Variants in CISD2 observed in about 807,000 individuals in gnomAD.
The protein encoded by CISD2 is CDGSH iron sulfur domain 2.
In CISD2, 1 loss-of-function variant was observed where a neutral mutation model predicts 12.9. The ratio of observed to expected loss-of-function variants is 0.08; its 90% CI spans 0.03 to 0.37. The LOEUF is 0.37. CISD2 is among the 10% of genes least tolerant of loss of function. The pLI is 0.99. For synonymous variants in CISD2, 50 were observed against 60.6 expected (o/e 0.83, Z 0.81); for missense variants, 97 against 163.1 (o/e 0.59, Z 2.21).
chr4:102,875,074 C>T (rs1733562143), intron 1 of CISD2, among the ~76,000 whole-genome samples: 2 of 152,210 alleles, frequency 1.3e-5, no homozygotes, highest in South Asian at 2.1e-4. Context: ...TCATACGGCA[C>T]CTGCTCAGTT....
chr4:102,877,943 G>A (rs1007782622), intron 1 of CISD2, among the ~76,000 whole-genome samples: 1 of 152,172 alleles, frequency 6.6e-6, no homozygotes, highest in Non-Finnish European at 1.5e-5. Flanking sequence ...CCTGGGCCTG[G>A]CCCACAAAAC....
chr4:102,880,980 G>T lies in CISD2; in HGVS notation c.104-4236G>T, dbSNP rs145472538. On this transcript the variant is annotated intron_variant, in intron 1 of 2. Transcript: ENST00000273986. ...CACTCCAGCCTGGGAAACAGAGCGA[G>T]ACGCTGTCTCAAAAAAAAAAAAAAA... is the stretch of plus-strand genomic sequence containing the variant. Among the ~76,000 whole-genome samples the T allele has an allele frequency of 9.0e-3, 1,321 of 147,448 alleles. 13 individuals carry two copies. Among genetic ancestry groups the T allele is most frequent in the African/African-American group, 0.03 (1,206 of 39,898 alleles).
intron 1 of CISD2, among the ~76,000 whole-genome samples, chr4:102,880,033 C>G (rs1733678468): frequency 6.6e-6 from 1 of 152,014 alleles, no homozygotes; most frequent in Non-Finnish European, 1.5e-5. Context: ...ACCTCCACTT[C>G]CGGGATTTAA....
chr4:102,873,899 G>A (rs1320155865), intron 1 of CISD2, among the ~76,000 whole-genome samples: 1 of 152,046 alleles, frequency 6.6e-6, no homozygotes, highest in Non-Finnish European at 1.5e-5. Context: ...GCTGAGGCAG[G>A]CAGATCACTT....
intron 1 of CISD2, among the ~76,000 whole-genome samples, chr4:102,878,582 C>G (rs1000293161): frequency 6.6e-6 from 1 of 152,224 alleles, no homozygotes; most frequent in East Asian, 1.9e-4. Flanking sequence ...AGTCTGTTTG[C>G]TAAAGCATAG....
chr4:102,869,604 C>T (rs1018051601), intron 1 of CISD2: 13 of 687,022 alleles, frequency 1.9e-5, no homozygotes, highest in East Asian at 1.3e-4. Context: ...GGGTTGTACC[C>T]TCAGCATGTG....
intron 1 of CISD2, chr4:102,869,455 G>C: frequency 1.4e-6 from 1 of 703,344 alleles, no homozygotes; most frequent in East Asian, 2.7e-5. Context: ...TTGCAGAGAA[G>C]GTGCTGAGTT....
chr4:102,884,952 G>A (rs571475751), intron 1 of CISD2: 3 of 418,780 alleles, frequency 7.2e-6, no homozygotes, highest in East Asian at 5.2e-5. Flanking sequence ...TAGACTTGAT[G>A]TAGACAATGA....
intron 2 of CISD2, among the ~76,000 whole-genome samples, chr4:102,886,191 A>G (rs1329631927): frequency 2.0e-5 from 3 of 152,190 alleles, no homozygotes; most frequent in Non-Finnish European, 4.4e-5. Flanking sequence ...TTTTGTTTAA[A>G]AAACGAATAC....
chr4:102,886,500 A>G (rs1733924300), intron 2 of CISD2, among the ~76,000 whole-genome samples: 1 of 152,088 alleles, frequency 6.6e-6, no homozygotes, highest in African/African-American at 2.4e-5. Context: ...CAAAAAAAAG[A>G]AAAAAAAGAA....
intron 1 of CISD2, among the ~76,000 whole-genome samples, chr4:102,876,002 G>A (rs747331589): frequency 1.3e-5 from 2 of 152,152 alleles, no homozygotes; most frequent in African/African-American, 2.4e-5. Context: ...CCACCCTACT[G>A]CTTTGCCCCA....
intron 1 of CISD2, among the ~76,000 whole-genome samples, chr4:102,883,152 T>G (rs1733765208): frequency 6.6e-6 from 1 of 152,246 alleles, no homozygotes; most frequent in Non-Finnish European, 1.5e-5. Flanking sequence ...ACTAAATAAC[T>G]TGCCTGTGAG....
At chr4:102,887,057 A>G (rs933859376) in intron 2 of CISD2, among the ~76,000 whole-genome samples, 4 of 152,244 alleles carry the variant, frequency 2.6e-5, no homozygotes, top group African/African-American at 9.6e-5. Context: ...CAAATGACCA[A>G]GAACTTATTC....
chr4:102,883,416 A>C (rs569109172), intron 1 of CISD2, among the ~76,000 whole-genome samples: 1 of 152,296 alleles, frequency 6.6e-6, no homozygotes, highest in East Asian at 1.9e-4. Flanking sequence ...GCCTGTGCCC[A>C]TGCTTTTTCC....
At chr4:102,870,905 TA>T (rs1241562055) in intron 1 of CISD2, among the ~76,000 whole-genome samples, 1 of 152,240 alleles carries the variant, frequency 6.6e-6, no homozygotes, top group Non-Finnish European at 1.5e-5. Context: ...ATTCATTATG[TA>T]ATAGTTCATT....
Position 102,885,290 on chromosome 4 carries a change from C to A in CISD2, c.178C>A (p.Leu60Ile). Reference sequence around the variant, plus strand: ...TGGCTACCTTGCAGTTCGTCCATTCCTCCCGAAGAAGAAACAACAGAAGGA... The same window carrying A: ...TGGCTACCTTGCAGTTCGTCCATTCATCCCGAAGAAGAAACAACAGAAGGA... ...LLGYLAVRPF[L>I]PKKKQQKDSL... The change falls in exon 2 of 3, where the codon CTC becomes ATC. Residue 60 changes from leucine (L) to isoleucine (I), a missense_variant. Physicochemically the swap from Leu to Ile is conservative, Grantham distance 5 (BLOSUM62 2). This residue lies in a region of CISD2 where 89 missense variants were observed against 114.4 expected (regional missense o/e 0.78). Coordinates refer to ENST00000273986, the MANE Select transcript of CISD2 (RefSeq NM_001008388.5). The A allele has an allele frequency of 6.2e-7, 1 of 1,614,080 alleles. No individual in the cohort carries two copies. Among genetic ancestry groups the A allele is most frequent in the East Asian group, 2.2e-5 (1 of 44,874 alleles).
chr4:102,886,002 C>T (rs1363413466), intron 2 of CISD2, among the ~76,000 whole-genome samples: 1 of 152,108 alleles, frequency 6.6e-6, no homozygotes. Flanking sequence ...GTTTCTTGTA[C>T]TTGATCATAG....
intron 2 of CISD2, among the ~76,000 whole-genome samples, chr4:102,886,195 C>T (rs1020597199): frequency 1.3e-5 from 2 of 151,956 alleles, no homozygotes; most frequent in Non-Finnish European, 2.9e-5. Flanking sequence ...GTTTAAAAAA[C>T]GAATACACGC....
intron 1 of CISD2, among the ~76,000 whole-genome samples, chr4:102,876,412 T>A (rs1226575754): frequency 6.6e-6 from 1 of 152,208 alleles, no homozygotes; most frequent in African/African-American, 2.4e-5. Context: ...ACAGTATCTC[T>A]ACATAGTAGG....
Sources: allele counts gnomAD v4.1 joint callset (sites outside exome capture counted in the v4.1 genomes callset), GRCh38; gene constraint gnomAD v4.1.1; regional missense constraint gnomAD v4.1.1; transcripts MANE v1.5; gene names NCBI Gene and HGNC (gene_info 2026-07-23, HGNC 2026-07-21).